Variants in FGD4 observed in about 807,000 individuals in gnomAD.
FGD4 encodes FYVE, RhoGEF and PH domain containing 4, also known as FYVE, RhoGEF and PH domain-containing protein 4.
Under a neutral mutation model 102.0 loss-of-function variants are expected in FGD4, and 42 were observed. That is an observed-to-expected ratio of 0.41 (90% CI 0.32 to 0.53). FGD4 has a LOEUF of 0.53. FGD4 is among the 20% of genes least tolerant of loss of function. The pLI is 0.21. For synonymous variants in FGD4, 380 were observed against 375.7 expected (o/e 1.01, Z -0.13); for missense variants, 902 against 1,078.2 (o/e 0.84, Z 2.29).
At chr12:32,524,604 C>T (rs1298129113) in intron 1 of FGD4, among the ~76,000 whole-genome samples, 4 of 151,522 alleles carry the variant, frequency 2.6e-5, no homozygotes, top group Admixed American at 6.6e-5. Context: ...ATGGGAGGAC[C>T]GCTTGAGCCT....
chr12:32,632,532 C>T (rs1950549309), intron 14 of FGD4, among the ~76,000 whole-genome samples: 1 of 152,000 alleles, frequency 6.6e-6, no homozygotes, highest in African/African-American at 2.4e-5. Context: ...CTATAAGAAG[C>T]CAGTGTCACT....
chr12:32,472,650 C>G (rs1424090967), intron 1 of FGD4, among the ~76,000 whole-genome samples: 1 of 152,236 alleles, frequency 6.6e-6, no homozygotes, highest in Admixed American at 6.5e-5. Context: ...CCAGTCCCAT[C>G]GATCACCCAA....
chr12:32,635,431 A>G (rs1017834452), intron 15 of FGD4, among the ~76,000 whole-genome samples: 10 of 152,240 alleles, frequency 6.6e-5, no homozygotes, highest in African/African-American at 2.2e-4. Context: ...GTCAACTCAT[A>G]TAATGAAATA....
intron 1 of FGD4, among the ~76,000 whole-genome samples, chr12:32,448,765 A>G (rs754582899): frequency 3.9e-5 from 6 of 152,072 alleles, no homozygotes; most frequent in Non-Finnish European, 5.9e-5. Context: ...CCGGTAACAC[A>G]GGAGCAGCCT....
intron 1 of FGD4, among the ~76,000 whole-genome samples, chr12:32,400,422 G>C (rs1199695712): frequency 6.6e-6 from 1 of 152,194 alleles, no homozygotes; most frequent in Non-Finnish European, 1.5e-5. Context: ...TTTTCTTAAA[G>C]GGACGCTTGA....
intron 10 of FGD4, among the ~76,000 whole-genome samples, chr12:32,614,431 G>A (rs1949328839): frequency 6.6e-6 from 1 of 152,176 alleles, no homozygotes; most frequent in South Asian, 2.1e-4. Context: ...CATGGCAGGG[G>A]TTTTTTGGGA....
intron 1 of FGD4, chr12:32,485,941 A>G: frequency 7.8e-7 from 1 of 1,274,586 alleles, no homozygotes; most frequent in Non-Finnish European, 9.9e-7. Flanking sequence ...CCAGAAGAAG[A>G]CTTATGAAAC....
At chr12:32,412,937 A>G (rs916803320) in intron 1 of FGD4, among the ~76,000 whole-genome samples, 1 of 108,622 alleles carries the variant, frequency 9.2e-6, no homozygotes, top group Non-Finnish European at 1.7e-5. Context: ...TTAGCCAGCC[A>G]TGGTGGTGCA....
At chr12:32,528,144 C>T (rs1941443605) in intron 1 of FGD4, among the ~76,000 whole-genome samples, 1 of 151,912 alleles carries the variant, frequency 6.6e-6, no homozygotes, top group Admixed American at 6.6e-5. Flanking sequence ...ACCATGTTGT[C>T]CAGCCTGGTC....
intron 1 of FGD4, among the ~76,000 whole-genome samples, chr12:32,531,243 C>T (rs1941790293): frequency 6.6e-6 from 1 of 152,002 alleles, no homozygotes; most frequent in Admixed American, 6.6e-5. Flanking sequence ...GCCACTCCAC[C>T]CGGCCCTCCT....
chr12:32,484,870 T>A (rs561865426), intron 1 of FGD4, among the ~76,000 whole-genome samples: 1 of 152,122 alleles, frequency 6.6e-6, no homozygotes, highest in East Asian at 1.9e-4. Flanking sequence ...ATACTCTGTC[T>A]CAGAAAAAAA....
intron 1 of FGD4, among the ~76,000 whole-genome samples, chr12:32,472,167 C>T (rs1943430654): frequency 6.6e-6 from 1 of 152,226 alleles, no homozygotes; most frequent in Admixed American, 6.5e-5. Context: ...GGCACCTCCC[C>T]TGCCTGGGCT....
At chr12:32,451,863 A>T (rs1942786463) in intron 1 of FGD4, among the ~76,000 whole-genome samples, 1 of 150,284 alleles carries the variant, frequency 6.7e-6, no homozygotes, top group African/African-American at 2.5e-5. Flanking sequence ...AAAAAAAAAA[A>T]AGTAAGTTAC....
At chr12:32,489,944 T>A (rs1050993928) in intron 1 of FGD4, among the ~76,000 whole-genome samples, 2 of 152,216 alleles carry the variant, frequency 1.3e-5, no homozygotes, top group African/African-American at 4.8e-5. Context: ...TTTTTTATAC[T>A]TGATATCCTT....
At chr12:32,603,141 G>T (rs777900395) in intron 7 of FGD4, among the ~76,000 whole-genome samples, 29 of 152,090 alleles carry the variant, frequency 1.9e-4, no homozygotes, top group Non-Finnish European at 3.8e-4. Flanking sequence ...TTTATATGTT[G>T]TGAGTCTATA....
At chr12:32,564,394 G>C in intron 2 of FGD4, 105 bp downstream of exon 2, 1 of 1,353,818 alleles carries the variant, frequency 7.4e-7, no homozygotes, top group Non-Finnish European at 9.8e-7. Context: ...CTAGAAGGAA[G>C]GAATTGGGTA....
rs781398587 is a variant in FGD4, at chr12:32,638,716, A to G, written c.2375A>G (p.Lys792Arg). ...VVCSFLQYME[K>R]SKPWQKAWCV... ...TGCAGCTTTCTTCAGTATATGGAGA[A>G]GTCAAAACCTTGGCAGAAAGCTTGG... Residue 792 changes from lysine (K) to arginine (R), a missense_variant, in exon 16 of 17, where the codon AAG becomes AGG. By Grantham distance (26) the Lys-to-Arg change is conservative (BLOSUM62 2). This residue lies in a region of FGD4 where 459 missense variants were observed against 619.0 expected (regional missense o/e 0.74). Transcript: ENST00000534526. 2.5e-6 allele frequency: 4 copies of G among 1,614,210 alleles called. No individual in the cohort carries two copies. The South Asian group carries it at 4.4e-5, about 18-fold the overall frequency.
At chr12:32,599,283 A>G (rs1363845532) in intron 5 of FGD4, among the ~76,000 whole-genome samples, 2 of 150,402 alleles carry the variant, frequency 1.3e-5, no homozygotes, top group African/African-American at 4.9e-5. Context: ...TCACGAGGTC[A>G]GGAGATCGAG....
At chr12:32,601,037 G>A (rs1230590942) in intron 5 of FGD4, among the ~76,000 whole-genome samples, 1 of 152,072 alleles carries the variant, frequency 6.6e-6, no homozygotes, top group Non-Finnish European at 1.5e-5. Context: ...TGAATTATTC[G>A]CCATAATATT....
Sources: allele counts gnomAD v4.1 joint callset (sites outside exome capture counted in the v4.1 genomes callset), GRCh38; gene constraint gnomAD v4.1.1; regional missense constraint gnomAD v4.1.1; transcripts MANE v1.5; gene names NCBI Gene and HGNC (gene_info 2026-07-23, HGNC 2026-07-21).